The following DAPL1 variants were observed in gnomAD, a reference collection of about 807,000 sequenced individuals.
DAPL1 encodes the protein death associated protein like 1.
Under a neutral mutation model 12.9 loss-of-function variants are expected in DAPL1, and 17 were observed. The ratio of observed to expected loss-of-function variants is 1.32; its 90% CI spans 0.90 to 1.98. The LOEUF is 1.98. Ranked by LOEUF, DAPL1 falls within the 30% of genes most tolerant of loss-of-function variation. The pLI is 0.00. For synonymous variants in DAPL1, 51 were observed against 42.0 expected (o/e 1.21, Z -0.82); for missense variants, 157 against 125.7 (o/e 1.25, Z -1.19).
At chr2:158,802,416 A>G (rs930911971) in intron 1 of DAPL1, among the ~76,000 whole-genome samples, 1 of 152,212 alleles carries the variant, frequency 6.6e-6, no homozygotes, top group Non-Finnish European at 1.5e-5. Flanking sequence ...CCATGATGCT[A>G]AGATGTTTAC....
chr2:158,801,521 T>C (rs2059167940), intron 1 of DAPL1, among the ~76,000 whole-genome samples: 1 of 152,330 alleles, frequency 6.6e-6, no homozygotes, highest in South Asian at 2.1e-4. Flanking sequence ...TTCATTTTTG[T>C]TGCAGATTAC....
intron 3 of DAPL1, among the ~76,000 whole-genome samples, chr2:158,810,257 A>G (rs192248775): frequency 2.0e-5 from 3 of 152,316 alleles, no homozygotes; most frequent in Admixed American, 6.5e-5. Flanking sequence ...CTGCACTACA[A>G]TGATTCTCCT....
intron 3 of DAPL1, among the ~76,000 whole-genome samples, chr2:158,815,026 G>A (rs757481567): frequency 1.3e-5 from 2 of 152,186 alleles, no homozygotes; most frequent in Non-Finnish European, 2.9e-5. Context: ...TCTCTGGGTT[G>A]CATATGAAAT....
At chr2:158,801,139 A>G (rs1173208911) in intron 1 of DAPL1, among the ~76,000 whole-genome samples, 3 of 152,198 alleles carry the variant, frequency 2.0e-5, no homozygotes, top group African/African-American at 7.2e-5. Flanking sequence ...CATCGCGCCC[A>G]GCCAGTTCTT....
chr2:158,810,919 C>T (rs1410431437), intron 3 of DAPL1, among the ~76,000 whole-genome samples: 2 of 152,154 alleles, frequency 1.3e-5, no homozygotes, highest in Non-Finnish European at 2.9e-5. Flanking sequence ...TCACGTAACT[C>T]CTCTGGGATT....
rs1327563563 is a variant in DAPL1, at chr2:158,807,039, CT to C, written c.147-12del. 2 of 1,611,162 alleles carry C rather than the reference CT, an allele frequency of 1.2e-6. No individual in the cohort carries two copies. Among genetic ancestry groups the C allele is most frequent in the East Asian group, 2.2e-5 (1 of 44,824 alleles). ...ATTTTTTAAGTCCTGTTCAAAGTTT[CT>C]TTTCATCTTCACAGTGCCATTGCAA... On this transcript the variant is annotated splice_polypyrimidine_tract_variant and intron_variant, in intron 2 of 3. Coordinates refer to ENST00000309950, the MANE Select transcript of DAPL1 (RefSeq NM_001017920.3).
At chr2:158,800,370 C>T (rs1334825609) in intron 1 of DAPL1, among the ~76,000 whole-genome samples, 1 of 152,144 alleles carries the variant, frequency 6.6e-6, no homozygotes, top group Non-Finnish European at 1.5e-5. Context: ...CAGACTGTAC[C>T]TTTCTAGAAC....
intron 3 of DAPL1, among the ~76,000 whole-genome samples, chr2:158,812,709 C>T (rs1233303055): frequency 6.6e-6 from 1 of 150,738 alleles, no homozygotes; most frequent in Non-Finnish European, 1.5e-5. Context: ...GCAAGAGGAC[C>T]ACTTGAGCCC....
At chr2:158,797,138 G>T (rs770602312) in intron 1 of DAPL1, among the ~76,000 whole-genome samples, 1 of 152,120 alleles carries the variant, frequency 6.6e-6, no homozygotes, top group African/African-American at 2.4e-5. Flanking sequence ...GATACGATTC[G>T]GTGGGGAGGG....
intron 3 of DAPL1, among the ~76,000 whole-genome samples, chr2:158,813,806 T>A (rs544321611): frequency 6.6e-6 from 1 of 152,178 alleles, no homozygotes; most frequent in Non-Finnish European, 1.5e-5. Flanking sequence ...CCGCCCGCCT[T>A]GGCCTCCCAA....
At chr2:158,795,508 G>A (rs1434215808) in intron 1 of DAPL1, 78 bp downstream of exon 1, 5 of 1,379,574 alleles carry the variant, frequency 3.6e-6, no homozygotes, top group Non-Finnish European at 5.0e-6. Flanking sequence ...GGAGCACCCC[G>A]ACAGACGGAA....
At chr2:158,815,668 C>A (rs1262041468) in intron 3 of DAPL1, 37 bp from the exon 4 acceptor site, 7 of 1,247,812 alleles carry the variant, frequency 5.6e-6, no homozygotes, top group Non-Finnish European at 8.3e-6. Flanking sequence ...CCAAGAAGAT[C>A]CAATATGCCT....
In DAPL1 at chr2:158,804,313, A is replaced by C; in HGVS notation, c.90A>C (p.Lys30Asn). Residue 30 changes from lysine (K) to asparagine (N), a missense_variant, in exon 2 of 4, where the codon AAA becomes AAC. Lys to Asn is a moderately conservative substitution (Grantham distance 94). Coordinates refer to ENST00000309950, the MANE Select transcript of DAPL1 (RefSeq NM_001017920.3). ...VKAGGMRISK[K>N]QEIGTLERHT... ...CTGGAGGAATGAGAATTTCCAAAAAACAAGAAATTGGCACCTTGGAAAGAC... is the reference window on the plus strand; with the variant it reads ...CTGGAGGAATGAGAATTTCCAAAAACCAAGAAATTGGCACCTTGGAAAGAC... 6.2e-7 allele frequency: 1 copy of C among 1,611,604 alleles called. No individual in the cohort carries two copies. Among genetic ancestry groups the C allele is most frequent in the Non-Finnish European group, 8.5e-7 (1 of 1,178,668 alleles).
intron 1 of DAPL1, among the ~76,000 whole-genome samples, chr2:158,799,227 A>G (rs546378064): frequency 6.6e-6 from 1 of 152,320 alleles, no homozygotes; most frequent in Admixed American, 6.5e-5. Context: ...CATTATTGAA[A>G]GGACTGAAAG....
At chr2:158,811,972 G>A (rs2059233289) in intron 3 of DAPL1, among the ~76,000 whole-genome samples, 1 of 152,078 alleles carries the variant, frequency 6.6e-6, no homozygotes, top group South Asian at 2.1e-4. Flanking sequence ...GTACATTTAG[G>A]AGCTGACCAT....
chr2:158,804,169 T>C, intron 1 of DAPL1, 113 bp from the exon 2 acceptor site: 1 of 711,884 alleles, frequency 1.4e-6, no homozygotes, highest in Non-Finnish European at 2.3e-6. Context: ...AACGTTTAGA[T>C]CTTTAAAAAA....
intron 3 of DAPL1, among the ~76,000 whole-genome samples, chr2:158,812,389 A>T (rs1559045110): frequency 6.6e-6 from 1 of 152,230 alleles, no homozygotes; most frequent in Non-Finnish European, 1.5e-5. Context: ...CTTCGGTTGA[A>T]TGCCTCAGTT....
chr2:158,801,049 G>T (rs1448521884), intron 1 of DAPL1, among the ~76,000 whole-genome samples: 1 of 152,144 alleles, frequency 6.6e-6, no homozygotes, highest in Non-Finnish European at 1.5e-5. Context: ...CGCCCTGTTG[G>T]TCAGGCTGGT....
At chr2:158,797,721 G>T (rs1001664505) in intron 1 of DAPL1, among the ~76,000 whole-genome samples, 1 of 151,986 alleles carries the variant, frequency 6.6e-6, no homozygotes, top group African/African-American at 2.4e-5. Flanking sequence ...AACCCAGGAG[G>T]CAGAGATTGC....
Sources: allele counts gnomAD v4.1 joint callset (sites outside exome capture counted in the v4.1 genomes callset), GRCh38; gene constraint gnomAD v4.1.1; transcripts MANE v1.5; gene names NCBI Gene and HGNC (gene_info 2026-07-23, HGNC 2026-07-21).